CMPK2: variants seen among roughly 807,000 people sequenced by gnomAD.
CMPK2 encodes UMP-CMP kinase 2, mitochondrial.
CMPK2 carries 32 observed loss-of-function variants against 33.4 expected under a neutral mutation model. The observed-to-expected ratio is 0.96, with a 90% CI of 0.72 to 1.29. The LOEUF is 1.29. CMPK2 is among the 50% of genes most tolerant of loss of function. The probability of loss-of-function intolerance (pLI) is 0.00; values close to 1 mark genes in which losing one functional copy is unlikely to be tolerated. For synonymous variants in CMPK2, 299 were observed against 275.3 expected (o/e 1.09, Z -0.85); for missense variants, 672 against 616.0 (o/e 1.09, Z -0.96).
chr2:6,846,184 T>G (rs1390163592), downstream of CMPK2, among the ~76,000 whole-genome samples: 1 of 152,200 alleles, frequency 6.6e-6, no homozygotes, highest in Non-Finnish European at 1.5e-5. Flanking sequence ...AAAGAGAGAT[T>G]TGGGGTTTGA....
intron 3 of CMPK2, 34 bp downstream of exon 3, chr2:6,861,150 G>A: frequency 6.7e-7 from 1 of 1,490,826 alleles, no homozygotes; most frequent in Non-Finnish European, 9.4e-7. Context: ...ATATTAGGGA[G>A]AAAATGCCTA....
downstream of CMPK2, among the ~76,000 whole-genome samples, chr2:6,844,331 A>C (rs1206601319): frequency 1.3e-5 from 2 of 152,182 alleles, no homozygotes; most frequent in Non-Finnish European, 2.9e-5. Flanking sequence ...CAGTTTCTGC[A>C]ACTTCCTTTT....
chr2:6,866,496 C>T (rs1057007100), upstream of CMPK2: 2 of 985,416 alleles, frequency 2.0e-6, no homozygotes, highest in Non-Finnish European at 2.4e-6. Flanking sequence ...TGGGAAGTGT[C>T]GCCCAGATTG....
rs1294493621 is a variant in CMPK2 at position 6,861,186 on chromosome 2, G to T, written c.990C>A (p.Asp330Glu). The change falls in exon 3 of 5, where the codon GAC (aspartate) becomes GAA (glutamate). Residue 330 changes from aspartate (D) to glutamate (E), a missense_variant and splice_region_variant. Coordinates refer to ENST00000256722, the MANE Select transcript of CMPK2 (RefSeq NM_207315.4). ...KESAKSPVIV[D>E]RYWHSTATYA... The stretch of plus-strand genomic sequence containing the variant: ...ATTCAAGGCATCTTTATACCTACCT[G>T]TCTACAATCACAGGAGATTTGGCAG... 6.2e-7 allele frequency: 1 copy of T among 1,612,804 alleles called. No individual in the cohort carries two copies. The highest frequency in any genetic ancestry group is 8.5e-7 in the Non-Finnish European group (1 of 1,179,140).
At chr2:6,841,760 T>C (rs1231477512) in intron 3 of CMPK2, among the ~76,000 whole-genome samples, 1 of 152,188 alleles carries the variant, frequency 6.6e-6, no homozygotes. Flanking sequence ...TGCTAGCCTA[T>C]TTCCTTCAGC....
In CMPK2 at chr2:6,850,947, G is replaced by T. The variant is rs553569355; in HGVS notation, c.1226+503C>A. 5 of 987,734 alleles carry T rather than the reference G, an allele frequency of 5.1e-6. No homozygotes were observed. In the East Asian group the frequency reaches 4.5e-4, roughly 88 times the overall value. 61.2% of individuals were successfully genotyped at this position (987,734 alleles called of 1,614,324 possible). On this transcript the variant is annotated intron_variant, in intron 4 of 4. Coordinates refer to ENST00000256722, the MANE Select transcript of CMPK2 (RefSeq NM_207315.4). The stretch of plus-strand genomic sequence containing the variant: ...GCAAAATCAGAAAGATTTTAATCCC[G>T]GTTTTACTAGTGAATAGTTATGTAC...
intron 3 of CMPK2, among the ~76,000 whole-genome samples, chr2:6,859,155 C>G (rs890711992): frequency 3.3e-5 from 5 of 152,284 alleles, no homozygotes; most frequent in African/African-American, 1.2e-4. Flanking sequence ...TTTAGGGTAA[C>G]TGGTGGAAGA....
chr2:6,853,762 C>T lies in CMPK2; in HGVS notation c.993-2079G>A, dbSNP rs565164866. ...CTAAATATACAAAAAATTAGCCGGG[C>T]GTGGTGGCGGGCACCTGTAGTCCCA... On this transcript the variant is annotated intron_variant, in intron 3 of 4. Coordinates refer to ENST00000256722, the MANE Select transcript of CMPK2 (RefSeq NM_207315.4). 2.2e-4 allele frequency among the ~76,000 whole-genome samples: 34 copies of T among 152,126 alleles called. No homozygotes were observed. The South Asian group carries it at 6.4e-3, about 29-fold the overall frequency.
At chr2:6,850,303 A>C (rs1001834962) in intron 4 of CMPK2, among the ~76,000 whole-genome samples, 2 of 152,240 alleles carry the variant, frequency 1.3e-5, no homozygotes. Flanking sequence ...ACTGAAGCTC[A>C]AAGAATTTAG....
At position 6,849,818 on chromosome 2, in the gene CMPK2, A is replaced by G. The variant is rs768288986; in HGVS notation, c.*32T>C. On this transcript the variant is annotated 3_prime_UTR_variant, in exon 5 of 5. Coordinates refer to ENST00000256722, the MANE Select transcript of CMPK2 (RefSeq NM_207315.4). ...ATGTAGATGTTTCAAACAACATCTAATCTAGTTAGACGTGGCACCTGGCCA... is the reference window on the plus strand; with the variant it reads ...ATGTAGATGTTTCAAACAACATCTAGTCTAGTTAGACGTGGCACCTGGCCA... 6 of 1,612,726 alleles carry G rather than the reference A, an allele frequency of 3.7e-6. No individual in the cohort carries two copies. The highest frequency in any genetic ancestry group is 5.1e-6 in the Non-Finnish European group (6 of 1,179,590).
intron 3 of CMPK2, among the ~76,000 whole-genome samples, chr2:6,853,819 G>A (rs553958622): frequency 2.6e-4 from 39 of 152,038 alleles, no homozygotes; most frequent in African/African-American, 8.4e-4. Flanking sequence ...GGAGAATGGC[G>A]TGAACCCGGA....
In CMPK2 at chr2:6,865,886, T is replaced by C; in HGVS notation, c.-190A>G. The C allele has an allele frequency of 7.1e-7, 1 of 1,402,756 alleles. No homozygotes were observed. Among genetic ancestry groups the C allele is most frequent in the Admixed American group, 2.9e-5 (1 of 34,616 alleles). The allele number at this position is 1,402,756 out of a possible 1,614,324, so 86.9% of individuals were successfully genotyped here. A position where few individuals can be genotyped will look rare whatever the true frequency, so the allele number is the denominator to read the frequency against. On this transcript the variant is annotated 5_prime_UTR_variant, in exon 1 of 5. Coordinates refer to ENST00000256722, the MANE Select transcript of CMPK2 (RefSeq NM_207315.4). ...CTGGGGCTGGGGCGCCCTTCCGGCC[T>C]CTCCTCCTCGCCGCGAGATGTGCGC...
intron 3 of CMPK2, among the ~76,000 whole-genome samples, chr2:6,858,674 G>A (rs985237026): frequency 4.6e-5 from 7 of 152,182 alleles, no homozygotes; most frequent in South Asian, 2.1e-4. Context: ...GAGATGTGCC[G>A]TAACTTCCAC....
intron 1 of CMPK2, among the ~76,000 whole-genome samples, chr2:6,863,834 T>G (rs1221454244): frequency 6.6e-6 from 1 of 152,200 alleles, no homozygotes; most frequent in Non-Finnish European, 1.5e-5. Context: ...CTGAGCAGCT[T>G]TGAGAAAGGC....
chr2:6,861,635 G>A (rs975922712), intron 2 of CMPK2, among the ~76,000 whole-genome samples: 51 of 152,260 alleles, frequency 3.3e-4, no homozygotes, highest in Admixed American at 3.2e-3. Context: ...CCCCTTTTAC[G>A]TGTGACTTTT....
chr2:6,845,957 T>C (rs1662349590), downstream of CMPK2, among the ~76,000 whole-genome samples: 1 of 151,992 alleles, frequency 6.6e-6, no homozygotes, highest in South Asian at 2.1e-4. Flanking sequence ...CTGTTGAAAG[T>C]GGAGATTTTT....
chr2:6,842,979 C>T (rs772884734), intron 3 of CMPK2, among the ~76,000 whole-genome samples: 3 of 152,146 alleles, frequency 2.0e-5, no homozygotes, highest in Non-Finnish European at 2.9e-5. Flanking sequence ...TTAAGAAGAG[C>T]CTCAGTGCAT....
downstream of CMPK2, among the ~76,000 whole-genome samples, chr2:6,845,599 T>G (rs1214309130): frequency 1.3e-5 from 2 of 152,182 alleles, no homozygotes; most frequent in African/African-American, 4.8e-5. Flanking sequence ...GGCTCTAGCT[T>G]TCTGCCCTGC....
intron 3 of CMPK2, among the ~76,000 whole-genome samples, chr2:6,857,331 ATTTT>A (rs796422164): frequency 8.0e-6 from 1 of 125,412 alleles, no homozygotes; most frequent in African/African-American, 2.8e-5. Context: ...TGTTTTTGGG[ATTTT>A]TTTTTTTTTT....
Sources: allele counts gnomAD v4.1 joint callset (sites outside exome capture counted in the v4.1 genomes callset), GRCh38; gene constraint gnomAD v4.1.1; transcripts MANE v1.5; gene names NCBI Gene and HGNC (gene_info 2026-07-23, HGNC 2026-07-21).